Variants in ITPRID2 observed in about 807,000 individuals in gnomAD.
The protein encoded by ITPRID2 is ITPR interacting domain containing 2, also known as protein ITPRID2.
Under a neutral mutation model 124.3 loss-of-function variants are expected in ITPRID2, and 60 were observed. That is an observed-to-expected ratio of 0.48 (90% CI 0.39 to 0.60). The LOEUF (loss-of-function observed/expected upper bound fraction) is 0.60. ITPRID2 is among the 20% of genes least tolerant of loss of function. The pLI is 0.00. For synonymous variants in ITPRID2, 521 were observed against 542.9 expected (o/e 0.96, Z 0.56); for missense variants, 1,553 against 1,512.2 (o/e 1.03, Z -0.45).
Position 181,905,561 on chromosome 2 carries a change from A to G in ITPRID2, c.1413+3095A>G, listed in dbSNP as rs1693045969. On this transcript the variant is annotated intron_variant, in intron 8 of 17. Transcript: ENST00000431877. The surrounding 1 kb of genome is among the most constrained non-coding windows in gnomAD (Gnocchi z 4.1). Reference sequence around the variant, plus strand: ...GATGTTCATCTTTTAGATGTAAAGGAAAAACTTAAGAAGGAGAACTTTTAT... The same window carrying G: ...GATGTTCATCTTTTAGATGTAAAGGGAAAACTTAAGAAGGAGAACTTTTAT... 6.6e-6 allele frequency among the ~76,000 whole-genome samples: 1 copy of G among 152,190 alleles called. No individual in the cohort carries two copies. Among genetic ancestry groups the G allele is most frequent in the Non-Finnish European group, 1.5e-5 (1 of 68,032 alleles).
intron 15 of ITPRID2, 139 bp from the exon 16 acceptor site, chr2:181,921,809 A>T: frequency 1.3e-6 from 1 of 761,094 alleles, no homozygotes; most frequent in Non-Finnish European, 2.1e-6. Flanking sequence ...AAAATTGAGT[A>T]GTTATTAAAT....
chr2:181,923,654 A>C (rs976416516), intron 16 of ITPRID2, among the ~76,000 whole-genome samples: 1 of 151,992 alleles, frequency 6.6e-6, no homozygotes, highest in Admixed American at 6.5e-5. Flanking sequence ...TATATTTGCT[A>C]ACTGAGGAAG....
rs34087767 is a variant in ITPRID2 at position 181,902,451 on chromosome 2, C to G, written c.1398C>G (p.Ser466=). The change falls in exon 8 of 18, where the codon TCC becomes TCG. Residue 466 remains serine (S), a synonymous_variant. Coordinates refer to ENST00000431877, the MANE Select transcript of ITPRID2 (RefSeq NM_001130445.3). The surrounding 1 kb of genome is among the most constrained non-coding windows in gnomAD (Gnocchi z 4.4). ...IRNIMTQQKD[S]FEMEEVQSTE... ...ATATAATGACACAGCAGAAGGACTC[C>G]TTCGAAATGGAAGAGGTAGGTAAAA... The G allele has an allele frequency of 0.015, 23,394 of 1,554,986 alleles. 232 individuals carry two copies. Among genetic ancestry groups the G allele is most frequent in the Non-Finnish European group, 0.018 (20,626 of 1,150,984 alleles).
At position 181,915,538 on chromosome 2, in the gene ITPRID2, C is replaced by T. The variant is rs150320682; in HGVS notation, c.1898C>T (p.Thr633Ile). 2.7e-5 allele frequency: 43 copies of T among 1,614,062 alleles called. No individual in the cohort carries two copies. The highest frequency in any genetic ancestry group is 3.6e-5 in the Non-Finnish European group (42 of 1,180,036). ...EVEEDLFPAE[T>I]VELLREASAE... ...GAAGAGGATTTGTTTCCAGCAGAGACAGTAGAGCTACTGAGGGAAGCAAGT... is the reference window on the plus strand; with the variant it reads ...GAAGAGGATTTGTTTCCAGCAGAGATAGTAGAGCTACTGAGGGAAGCAAGT... Residue 633 changes from threonine (T) to isoleucine (I), a missense_variant, in exon 11 of 18, where the codon ACA (threonine) becomes ATA (isoleucine). By Grantham distance (89) the Thr-to-Ile change is moderately conservative. Coordinates refer to ENST00000431877, the MANE Select transcript of ITPRID2 (RefSeq NM_001130445.3).
In ITPRID2 at chr2:181,892,288, C is replaced by T; in HGVS notation, c.211+11C>T. On this transcript the variant is annotated intron_variant, in intron 1 of 17. Coordinates refer to ENST00000431877, the MANE Select transcript of ITPRID2 (RefSeq NM_001130445.3). The surrounding 1 kb of genome is among the most constrained non-coding windows in gnomAD (Gnocchi z 5.2). The stretch of plus-strand genomic sequence containing the variant: ...CAGCGGGGGGAAGAGGTCGGTGCTC[C>T]CGGCCGGGCTCCGGGGGGAGGCTGG... 2 of 1,541,132 alleles carry T rather than the reference C, an allele frequency of 1.3e-6. No individual in the cohort carries two copies. The highest frequency in any genetic ancestry group is 1.8e-6 in the Non-Finnish European group (2 of 1,142,778).
At chr2:181,918,251 A>G (rs923080640) in intron 11 of ITPRID2, 76 of 996,928 alleles carry the variant, frequency 7.6e-5, no homozygotes, top group Non-Finnish European at 8.6e-5. Context: ...CAAAGTTAAT[A>G]ATCACTATAA....
At position 181,896,110 on chromosome 2, in the gene ITPRID2, C is replaced by T. The variant is rs1379563062; in HGVS notation, c.307+31C>T. The T allele has an allele frequency of 1.3e-5, 20 of 1,584,738 alleles. No homozygotes were observed. Among genetic ancestry groups the T allele is most frequent in the Non-Finnish European group, 1.7e-5 (20 of 1,153,772 alleles). ...AGAAGGTTGCCTTTCTAAATCTGTTCTTTATGACAGTTCTACTTCTTTGTC... is the reference window on the plus strand; with the variant it reads ...AGAAGGTTGCCTTTCTAAATCTGTTTTTTATGACAGTTCTACTTCTTTGTC... On this transcript the variant is annotated intron_variant, in intron 3 of 17. Transcript: ENST00000431877. The surrounding 1 kb of genome is among the most constrained non-coding windows in gnomAD (Gnocchi z 4.3).
chr2:181,915,092 C>G, intron 10 of ITPRID2, 124 bp from the exon 11 acceptor site: 1 of 1,130,334 alleles, frequency 8.8e-7, no homozygotes, highest in Non-Finnish European at 1.3e-6. Context: ...CAATTTTGAG[C>G]AACAGCAGGG....
chr2:181,918,384 C>T (rs1694237889), intron 11 of ITPRID2: 6 of 1,319,682 alleles, frequency 4.5e-6, no homozygotes, highest in Non-Finnish European at 4.8e-6. Flanking sequence ...CCTCCTCCTC[C>T]CACGTAGATT....
Position 181,910,084 on chromosome 2 carries a change from AACAC to A in ITPRID2, c.1486+119_1486+122del, listed in dbSNP as rs1004055161. 2 of 703,348 alleles carry A rather than the reference AACAC, an allele frequency of 2.8e-6. No homozygotes were observed. The highest frequency in any genetic ancestry group is 2.9e-5 in the East Asian group (1 of 34,210). The allele number at this position is 703,348 out of a possible 1,614,324, so 43.6% of individuals were successfully genotyped here. A position where few individuals can be genotyped will look rare whatever the true frequency, so the allele number is the denominator to read the frequency against. On this transcript the variant is annotated intron_variant, in intron 9 of 17. Coordinates refer to ENST00000431877, the MANE Select transcript of ITPRID2 (RefSeq NM_001130445.3). This position sits in a 1 kb window ranked among gnomAD's most constrained non-coding sequence, Gnocchi z 4.1. ...TATTTATGAGTGTGAAAAGGCAAAG[AACAC>A]ACACAGGTAGGCATGATTCACTATT...
In ITPRID2 at chr2:181,922,111, GA is replaced by G; in HGVS notation, c.3376del (p.Arg1126GlufsTer17). 6.2e-7 allele frequency: 1 copy of G among 1,614,216 alleles called. No individual in the cohort carries two copies. Among genetic ancestry groups the G allele is most frequent in the African/African-American group, 1.3e-5 (1 of 75,056 alleles). ...TGTTCTGGTCCCTCTCATGCTAACA[GA>G]AGAACTGGAGTACCTTCTACTGCCT... ...SVCSGPSHAN[R>X]RTGVPSTASV... On this transcript the variant is annotated frameshift_variant, in exon 16 of 18. Transcript: ENST00000431877. LOFTEE classifies it high-confidence loss of function.
chr2:181,928,528 TC>T (rs1213101982), intron 17 of ITPRID2, among the ~76,000 whole-genome samples: 1 of 152,184 alleles, frequency 6.6e-6, no homozygotes, highest in East Asian at 1.9e-4. Context: ...TAGTAATAAA[TC>T]CTGGAATTGG....
intron 2 of ITPRID2, 98 bp from the exon 3 acceptor site, chr2:181,895,932 A>G (rs981655684): frequency 1.4e-5 from 13 of 951,322 alleles, no homozygotes; most frequent in Non-Finnish European, 2.0e-5. Context: ...TGTGATTAGA[A>G]GCTTATTGAG....
rs1694332516 is a variant in ITPRID2, at chr2:181,919,554, A to G, written c.3144+108A>G. On this transcript the variant is annotated intron_variant, in intron 14 of 17. Transcript: ENST00000431877. This position sits in a 1 kb window ranked among gnomAD's most constrained non-coding sequence, Gnocchi z 4.2. ...TCAAGTCATTTATTTTAATGGTATT[A>G]AAAGCATGCATACTGTTTAAGGAGC... 1 of 1,253,612 alleles carries G rather than the reference A, an allele frequency of 8.0e-7. No homozygotes were observed. The highest frequency in any genetic ancestry group is 2.5e-5 in the East Asian group (1 of 39,740). 77.7% of individuals were successfully genotyped at this position (1,253,612 alleles called of 1,614,324 possible). A position where few individuals can be genotyped will look rare whatever the true frequency, so the allele number is the denominator to read the frequency against.
rs1692226725 is a variant in ITPRID2, at chr2:181,896,653, A to C, written c.308-255A>C. Among the ~76,000 whole-genome samples the C allele has an allele frequency of 1.3e-5, 2 of 152,016 alleles. No individual in the cohort carries two copies. Among genetic ancestry groups the C allele is most frequent in the African/African-American group, 4.8e-5 (2 of 41,446 alleles). On this transcript the variant is annotated intron_variant, in intron 3 of 17. Transcript: ENST00000431877. The surrounding 1 kb of genome is among the most constrained non-coding windows in gnomAD (Gnocchi z 4.3). ...GTAGTCTGATTGAACATCTTCAAAA[A>C]TATAAGTTTAAAACAGCCTATAGGT...
In ITPRID2 at chr2:181,892,300, CGGGGGGAGGCTGGTGGGCT is replaced by C. The variant is rs770550883; in HGVS notation, c.211+28_211+46del. The C allele has an allele frequency of 1.3e-6, 2 of 1,531,850 alleles. No individual in the cohort carries two copies. Among genetic ancestry groups the C allele is most frequent in the Non-Finnish European group, 1.8e-6 (2 of 1,139,090 alleles). 94.9% of individuals were successfully genotyped at this position (1,531,850 alleles called of 1,614,324 possible). ...GAGGTCGGTGCTCCCGGCCGGGCTC[CGGGGGGAGGCTGGTGGGCT>C]GGGGAGAGTCTCGTGCGCCCTGGGC... On this transcript the variant is annotated intron_variant, in intron 1 of 17. Transcript: ENST00000431877. The surrounding 1 kb of genome is among the most constrained non-coding windows in gnomAD (Gnocchi z 5.2).
At chr2:181,920,280 G>A (rs573400521) in intron 14 of ITPRID2, among the ~76,000 whole-genome samples, 1 of 152,254 alleles carries the variant, frequency 6.6e-6, no homozygotes, top group African/African-American at 2.4e-5. Context: ...AGGATGTTCT[G>A]TATTGCTAAT....
At chr2:181,903,955 G>T (rs190145336) in intron 8 of ITPRID2, among the ~76,000 whole-genome samples, 65 of 152,080 alleles carry the variant, frequency 4.3e-4, no homozygotes, top group African/African-American at 1.5e-3. Flanking sequence ...TAATACAATA[G>T]CAGAGCATAA....
In ITPRID2 at chr2:181,918,885, A is replaced by G. The variant is rs375226146; in HGVS notation, c.2993+3A>G. The G allele has an allele frequency of 1.1e-5, 17 of 1,613,072 alleles. No individual in the cohort carries two copies. Among genetic ancestry groups the G allele is most frequent in the Non-Finnish European group, 1.4e-5 (16 of 1,179,824 alleles). On this transcript the variant is annotated splice_donor_region_variant and intron_variant, in intron 13 of 17. Transcript: ENST00000431877. ...CATCATATGACTGAGGAGGAGAGGT[A>G]AAAGTTCATTTTGTCTTAGCACACC... is the stretch of plus-strand genomic sequence containing the variant.
Sources: allele counts gnomAD v4.1 joint callset (sites outside exome capture counted in the v4.1 genomes callset), GRCh38; gene constraint gnomAD v4.1.1; non-coding constraint Gnocchi (gnomAD v3.1); transcripts MANE v1.5; gene names NCBI Gene and HGNC (gene_info 2026-07-23, HGNC 2026-07-21).